The following ZC3H12D variants were observed in gnomAD, a reference collection of about 807,000 sequenced individuals.
The protein encoded by ZC3H12D is zinc finger CCCH-type containing 12D.
ZC3H12D carries 11 observed loss-of-function variants against 24.2 expected under a neutral mutation model. The observed-to-expected ratio is 0.46, with a 90% CI of 0.29 to 0.75. ZC3H12D has a LOEUF of 0.75. ZC3H12D is among the 30% of genes least tolerant of loss of function. The pLI, the probability that ZC3H12D is intolerant of heterozygous loss-of-function variation, is 0.11. For synonymous variants in ZC3H12D, 333 were observed against 341.8 expected (o/e 0.97, Z 0.28); for missense variants, 740 against 767.7 (o/e 0.96, Z 0.43).
At chr6:149,465,980 C>T (rs184281600) in intron 2 of ZC3H12D, among the ~76,000 whole-genome samples, 1 of 152,020 alleles carries the variant, frequency 6.6e-6, no homozygotes, top group African/African-American at 2.4e-5. Flanking sequence ...GGCTGCAAGC[C>T]CCTCAGAGAA....
chr6:149,474,532 G>T lies in ZC3H12D; in HGVS notation c.12C>A (p.Pro4=). ...GCTTCTGGAAGAATTCCATCTTGCT[G>T]GGGTGCTCCATGCTGTGCCCAGCGG... MEH[P]SKMEFFQKLG... Residue 4 remains proline (P), a synonymous_variant, in exon 2 of 6, where the codon CCC becomes CCA. Transcript: ENST00000409806. 1 of 1,528,322 alleles carries T rather than the reference G, an allele frequency of 6.5e-7. No individual in the cohort carries two copies. Among genetic ancestry groups the T allele is most frequent in the Non-Finnish European group, 8.9e-7 (1 of 1,129,932 alleles). The allele number at this position is 1,528,322 out of a possible 1,614,324, so 94.7% of individuals were successfully genotyped here. A position where few individuals can be genotyped will look rare whatever the true frequency, so the allele number is the denominator to read the frequency against.
intron 1 of ZC3H12D, among the ~76,000 whole-genome samples, chr6:149,478,041 C>T (rs933391214): frequency 7.0e-4 from 106 of 151,774 alleles, no homozygotes; most frequent in Non-Finnish European, 1.4e-3. Flanking sequence ...GTGGGGTGCA[C>T]CTGTAGTCTC....
intron 2 of ZC3H12D, among the ~76,000 whole-genome samples, chr6:149,469,069 C>T (rs745405754): frequency 1.3e-5 from 2 of 152,266 alleles, no homozygotes; most frequent in East Asian, 1.9e-4. Flanking sequence ...TGCTTTCCCC[C>T]CAAGGTTGTA....
intron 2 of ZC3H12D, among the ~76,000 whole-genome samples, chr6:149,462,753 C>T (rs903748826): frequency 6.6e-6 from 1 of 152,190 alleles, no homozygotes; most frequent in Non-Finnish European, 1.5e-5. Context: ...TTCTGGCCTT[C>T]GTTTTTCGCC....
intron 1 of ZC3H12D, among the ~76,000 whole-genome samples, chr6:149,480,563 C>A (rs1776408374): frequency 6.6e-6 from 1 of 152,162 alleles, no homozygotes; most frequent in Admixed American, 6.5e-5. Flanking sequence ...GTGGAGAAAC[C>A]CTGTCTCTAC....
intron 1 of ZC3H12D, among the ~76,000 whole-genome samples, chr6:149,475,449 G>A (rs1776320189): frequency 6.6e-6 from 1 of 152,236 alleles, no homozygotes; most frequent in Middle Eastern, 3.4e-3. Context: ...TGGGCATGGT[G>A]GCTCACGCCT....
intron 1 of ZC3H12D, among the ~76,000 whole-genome samples, chr6:149,484,539 T>C (rs1477655505): frequency 6.6e-6 from 1 of 152,174 alleles, no homozygotes; most frequent in Non-Finnish European, 1.5e-5. Flanking sequence ...CCCCCAAAAA[T>C]GTCATCTGGA....
chr6:149,464,403 T>G (rs420430), intron 2 of ZC3H12D, among the ~76,000 whole-genome samples: 98,264 of 152,018 alleles, frequency 0.65, 34,162 homozygotes, highest in African/African-American at 0.9. Flanking sequence ...CTCAGCCATG[T>G]GTGAGACAGA....
intron 2 of ZC3H12D, among the ~76,000 whole-genome samples, chr6:149,469,139 G>A (rs545116372): frequency 6.6e-6 from 1 of 152,312 alleles, no homozygotes; most frequent in South Asian, 2.1e-4. Flanking sequence ...GGGCACTTGT[G>A]AGTCTGCCCA....
rs373832682 is a variant in ZC3H12D, at chr6:149,452,626, A to G, written c.777T>C (p.His259=). 15 of 1,588,152 alleles carry G rather than the reference A, an allele frequency of 9.4e-6. No homozygotes were observed. Among genetic ancestry groups the G allele is most frequent in the Non-Finnish European group, 1.2e-5 (14 of 1,168,388 alleles). ...KPKPPEPSWQ[H]CPYGKKCTYG... ...CTGGGCCCTACCCACCATAAGGACA[A>G]TGCTGCCAGGATGGCTCTGGGGGCT... is the stretch of plus-strand genomic sequence containing the variant. The change falls in exon 5 of 6, where the codon CAT becomes CAC. Residue 259 remains histidine (H), a synonymous_variant. Transcript: ENST00000409806. The surrounding 1 kb of genome is among the most constrained non-coding windows in gnomAD (Gnocchi z 4.0).
chr6:149,472,206 C>G (rs1391773122), intron 2 of ZC3H12D, among the ~76,000 whole-genome samples: 2 of 152,092 alleles, frequency 1.3e-5, no homozygotes, highest in Non-Finnish European at 2.9e-5. Flanking sequence ...GGTGGAACCT[C>G]ACACTCCACT....
Position 149,450,589 on chromosome 6 carries a change from T to G in ZC3H12D, c.*94A>C, listed in dbSNP as rs1775872349. 3.2e-6 allele frequency: 4 copies of G among 1,238,668 alleles called. No individual in the cohort carries two copies. Among genetic ancestry groups the G allele is most frequent in the Non-Finnish European group, 3.2e-6 (3 of 925,720 alleles). 76.7% of individuals were successfully genotyped at this position (1,238,668 alleles called of 1,614,324 possible). Reference sequence around the variant, plus strand: ...CTTTAAAGAAAAGGGGGCACCATGATGGGCCCACTCAGGTCCAGGCTGGCA... The same window carrying G: ...CTTTAAAGAAAAGGGGGCACCATGAGGGGCCCACTCAGGTCCAGGCTGGCA... On this transcript the variant is annotated 3_prime_UTR_variant, in exon 6 of 6. Coordinates refer to ENST00000409806, the MANE Select transcript of ZC3H12D (RefSeq NM_207360.3).
At chr6:149,480,618 C>A (rs1469514449) in intron 1 of ZC3H12D, among the ~76,000 whole-genome samples, 1 of 152,164 alleles carries the variant, frequency 6.6e-6, no homozygotes, top group African/African-American at 2.4e-5. Context: ...TGCCTTTAAT[C>A]CCAGCTACTC....
intron 1 of ZC3H12D, among the ~76,000 whole-genome samples, chr6:149,480,404 C>A (rs752739491): frequency 6.6e-6 from 1 of 152,214 alleles, no homozygotes; most frequent in Non-Finnish European, 1.5e-5. Flanking sequence ...AACCAAATAG[C>A]ACATGTTCTC....
chr6:149,467,231 C>T (rs1489117781), intron 2 of ZC3H12D, among the ~76,000 whole-genome samples: 1 of 152,084 alleles, frequency 6.6e-6, no homozygotes, highest in Admixed American at 6.5e-5. Context: ...TAAGAAAAGA[C>T]ATCACCCCTG....
intron 1 of ZC3H12D, among the ~76,000 whole-genome samples, chr6:149,478,412 A>G (rs2115014203): frequency 6.6e-6 from 1 of 152,150 alleles, no homozygotes; most frequent in African/African-American, 2.4e-5. Flanking sequence ...TTGTTTTGGA[A>G]AATAAAGTTA....
In ZC3H12D at chr6:149,459,540, C is replaced by G. The variant is rs1425461199; in HGVS notation, c.445+2291G>C. 5.6e-6 allele frequency: 4 copies of G among 715,760 alleles called. No homozygotes were observed. In the Admixed American group the frequency reaches 8.0e-5, roughly 14 times the overall value. The allele number at this position is 715,760 out of a possible 1,614,324, so 44.3% of individuals were successfully genotyped here. A position where few individuals can be genotyped will look rare whatever the true frequency, so the allele number is the denominator to read the frequency against. On this transcript the variant is annotated intron_variant, in intron 3 of 5. Transcript: ENST00000409806. ...CTGGAGTGGAGGTGGGAGCCATTGC[C>G]CTGCAGTCTTGGAGCACTTCTGGTG... is the stretch of plus-strand genomic sequence containing the variant.
intron 2 of ZC3H12D, among the ~76,000 whole-genome samples, chr6:149,472,865 C>T (rs1365536684): frequency 6.6e-6 from 1 of 152,112 alleles, no homozygotes; most frequent in Non-Finnish European, 1.5e-5. Context: ...GTTCCTTGCT[C>T]AGATCATATA....
chr6:149,482,550 G>A (rs1279786656), intron 1 of ZC3H12D, among the ~76,000 whole-genome samples: 2 of 152,162 alleles, frequency 1.3e-5, no homozygotes, highest in African/African-American at 4.8e-5. Context: ...TGGGTTCGGG[G>A]CGGCCTGGAA....
Sources: gnomAD v4.1 joint callset for allele counts (sites outside exome capture counted in the v4.1 genomes callset) on GRCh38, gnomAD v4.1.1 for gene constraint, Gnocchi (gnomAD v3.1) non-coding constraint, MANE v1.5 for transcripts, NCBI Gene and HGNC (gene_info 2026-07-23, HGNC 2026-07-21) for gene names.